The following LDLRAD3 variants were observed in gnomAD, a reference collection of about 807,000 sequenced individuals.
LDLRAD3 encodes the protein low-density lipoprotein receptor class A domain-containing protein 3.
LDLRAD3 carries 20 observed loss-of-function variants against 29.4 expected under a neutral mutation model. The ratio of observed to expected loss-of-function variants is 0.68; its 90% CI spans 0.48 to 0.99. The LOEUF (loss-of-function observed/expected upper bound fraction) is 0.99. Among genes scored for constraint, LDLRAD3 ranks in the 50% least tolerant of loss-of-function variants. The probability of loss-of-function intolerance (pLI) is 0.00; values close to 1 mark genes in which losing one functional copy is unlikely to be tolerated. For synonymous variants in LDLRAD3, 157 were observed against 192.7 expected, an observed-to-expected ratio of 0.81 and a Z score of 1.53; for missense variants, 420 against 454.3, an observed-to-expected ratio of 0.92 and a Z score of 0.69.
intron 1 of LDLRAD3, chr11:36,001,110 C>T (rs1337552230): frequency 6.6e-6 from 1 of 152,158 alleles, no homozygotes. Context: ...AAATAGATGA[C>T]AGCCAGAAAG....
intron 3 of LDLRAD3, among the ~76,000 whole-genome samples, chr11:36,084,790 G>C (rs1421496614): frequency 1.3e-5 from 2 of 152,130 alleles, no homozygotes; most frequent in African/African-American, 4.8e-5. Context: ...GAAAACTCCT[G>C]AATCTACCAG....
chr11:36,170,440 A>G (rs1050666110), intron 4 of LDLRAD3, among the ~76,000 whole-genome samples: 1 of 151,792 alleles, frequency 6.6e-6, no homozygotes, highest in Non-Finnish European at 1.5e-5. Context: ...TATTTTTTCA[A>G]TTGCAAATTG....
intron 4 of LDLRAD3, among the ~76,000 whole-genome samples, chr11:36,114,026 T>C (rs1430987901): frequency 6.6e-6 from 1 of 152,132 alleles, no homozygotes; most frequent in African/African-American, 2.4e-5. Flanking sequence ...TATAATATTA[T>C]GAAAAGGCAG....
chr11:36,159,177 A>G (rs1167438383), intron 4 of LDLRAD3, among the ~76,000 whole-genome samples: 1 of 152,214 alleles, frequency 6.6e-6, no homozygotes, highest in Non-Finnish European at 1.5e-5. Context: ...TTCCATTGAA[A>G]AAGAACTTGG....
intron 4 of LDLRAD3, among the ~76,000 whole-genome samples, chr11:36,206,256 G>T (rs1338641960): frequency 6.6e-6 from 1 of 152,124 alleles, no homozygotes; most frequent in African/African-American, 2.4e-5. Context: ...CATCATTTAA[G>T]GCTTATTACT....
chr11:36,074,730 G>A (rs78642677), intron 2 of LDLRAD3, among the ~76,000 whole-genome samples: 3,384 of 152,274 alleles, frequency 0.022, 135 homozygotes, highest in African/African-American at 0.077. Context: ...CTCAAAAGGT[G>A]ATCAGAACCA....
At chr11:35,968,381 C>T in intron 1 of LDLRAD3, 1 of 365,336 alleles carries the variant, frequency 2.7e-6, no homozygotes. Flanking sequence ...AGTAGAGGGG[C>T]TGGCACCATG....
intron 4 of LDLRAD3, among the ~76,000 whole-genome samples, chr11:36,166,932 T>C (rs1417721941): frequency 6.6e-6 from 1 of 152,168 alleles, no homozygotes; most frequent in African/African-American, 2.4e-5. Flanking sequence ...TGAATAATGT[T>C]CTCCATAAAT....
chr11:36,179,721 G>A (rs535117330), intron 4 of LDLRAD3, among the ~76,000 whole-genome samples: 3 of 152,070 alleles, frequency 2.0e-5, no homozygotes, highest in Middle Eastern at 3.2e-3. Flanking sequence ...AGCTGAGCTC[G>A]GTGGCTCATG....
intron 3 of LDLRAD3, among the ~76,000 whole-genome samples, chr11:36,083,990 C>A (rs1853158617): frequency 6.6e-6 from 1 of 152,084 alleles, no homozygotes; most frequent in Admixed American, 6.5e-5. Flanking sequence ...GCCATCACAG[C>A]TCACTCCAGC....
chr11:36,120,514 A>G (rs1210974046), intron 4 of LDLRAD3, among the ~76,000 whole-genome samples: 1 of 152,226 alleles, frequency 6.6e-6, no homozygotes, highest in Non-Finnish European at 1.5e-5. Flanking sequence ...GCACAGGGAA[A>G]AAAGGAATTT....
intron 2 of LDLRAD3, among the ~76,000 whole-genome samples, chr11:36,054,836 G>A (rs867593692): frequency 1.5e-4 from 15 of 97,120 alleles, no homozygotes; most frequent in East Asian, 3.5e-4. Flanking sequence ...TGGATGGATG[G>A]ATGAATGGAT....
At chr11:36,112,274 G>A (rs183178208) in intron 4 of LDLRAD3, among the ~76,000 whole-genome samples, 6 of 152,328 alleles carry the variant, frequency 3.9e-5, no homozygotes, top group African/African-American at 1.4e-4. Context: ...GGTGCTGAGA[G>A]TCAAGAGAAT....
chr11:36,088,450 A>G (rs181285318), intron 3 of LDLRAD3, among the ~76,000 whole-genome samples: 40 of 152,286 alleles, frequency 2.6e-4, no homozygotes, highest in African/African-American at 9.1e-4. Context: ...GTGCCCAGAA[A>G]AACCACTGTG....
chr11:35,984,816 G>T (rs1177722746), intron 1 of LDLRAD3, among the ~76,000 whole-genome samples: 2 of 151,980 alleles, frequency 1.3e-5, no homozygotes, highest in African/African-American at 4.8e-5. Context: ...TTTTAGTAGA[G>T]ACGGGGTTTC....
intron 4 of LDLRAD3, among the ~76,000 whole-genome samples, chr11:36,188,833 C>T (rs1219904868): frequency 2.0e-5 from 3 of 152,150 alleles, no homozygotes; most frequent in Non-Finnish European, 4.4e-5. Flanking sequence ...GGTCCCAGAA[C>T]ACAGCCAGCC....
At chr11:35,965,101 A>G (rs1031911588) in intron 1 of LDLRAD3, among the ~76,000 whole-genome samples, 1 of 152,174 alleles carries the variant, frequency 6.6e-6, no homozygotes, top group Non-Finnish European at 1.5e-5. Flanking sequence ...ATTATGGACC[A>G]GTAAAGTAAT....
At chr11:36,134,695 C>A (rs1853978745) in intron 4 of LDLRAD3, among the ~76,000 whole-genome samples, 1 of 152,200 alleles carries the variant, frequency 6.6e-6, no homozygotes, top group Non-Finnish European at 1.5e-5. Flanking sequence ...CTGTTACGGA[C>A]CTCATTGAGA....
chr11:36,068,429 C>T (rs1852832870), intron 2 of LDLRAD3, among the ~76,000 whole-genome samples: 1 of 152,166 alleles, frequency 6.6e-6, no homozygotes. Context: ...CTTCCTTTTA[C>T]AGATGGGGAC....
Sources: allele counts gnomAD v4.1 joint callset (sites outside exome capture counted in the v4.1 genomes callset), GRCh38; gene constraint gnomAD v4.1.1; transcripts MANE v1.5; gene names NCBI Gene and HGNC (gene_info 2026-07-23, HGNC 2026-07-21).